The following HIGD1C variants were observed in gnomAD, a reference collection of about 807,000 sequenced individuals.
HIGD1C encodes HIG1 domain family member 1C.
A neutral mutation model predicts 13.1 loss-of-function variants in HIGD1C; 11 were observed. That is an observed-to-expected ratio of 0.84 (90% confidence interval 0.53 to 1.39). The LOEUF (loss-of-function observed/expected upper bound fraction) is 1.39, where lower values mean the gene tolerates loss of function less well. Among genes scored for constraint, HIGD1C ranks in the 40% most tolerant of loss-of-function variants. The pLI, the probability that HIGD1C is intolerant of heterozygous loss-of-function variation, is 0.00. For missense variants in HIGD1C, 110 were observed against 112.0 expected (o/e 0.98, Z 0.08); for synonymous variants, 36 against 37.7 (o/e 0.95, Z 0.17).
the HIGD1C span, among the ~76,000 whole-genome samples, chr12:50,938,272 G>C: frequency 6.6e-6 from 1 of 152,020 alleles, no homozygotes; most frequent in Non-Finnish European, 1.5e-5. Flanking sequence ...GCTGGCAGGA[G>C]GCTGGCGTGT....
chr12:50,970,066 C>G (rs1939706408), intron 2 of HIGD1C, among the ~76,000 whole-genome samples: 1 of 152,108 alleles, frequency 6.6e-6, no homozygotes. Context: ...GGAATTAGAT[C>G]CACTCACCAT....
chr12:50,971,529 C>T (rs2046498), downstream of HIGD1C, among the ~76,000 whole-genome samples: 15,038 of 152,132 alleles, frequency 0.099, 1,161 homozygotes, highest in African/African-American at 0.21. Flanking sequence ...TAATGTGGTA[C>T]GACACTGTAG....
At chr12:50,952,059 ATTTTT>A (rs141699945), upstream of HIGD1C, among the ~76,000 whole-genome samples, 19,701 of 136,694 alleles carry the variant, frequency 0.14, 1,612 homozygotes, top group East Asian at 0.43. Flanking sequence ...TAGACCAGAA[ATTTTT>A]TTTTTTTTTT....
chr12:50,965,037 G>A (rs1232958913), intron 2 of HIGD1C, among the ~76,000 whole-genome samples: 1 of 152,034 alleles, frequency 6.6e-6, no homozygotes, highest in East Asian at 1.9e-4. Context: ...TGGCATCTTT[G>A]AAGTCCTTGA....
downstream of HIGD1C, among the ~76,000 whole-genome samples, chr12:50,971,212 C>A (rs1158309263): frequency 6.6e-6 from 1 of 152,052 alleles, no homozygotes; most frequent in East Asian, 1.9e-4. Context: ...AAATGTGACA[C>A]CCTATCCATG....
the HIGD1C span, among the ~76,000 whole-genome samples, chr12:50,937,954 G>A: frequency 6.6e-6 from 1 of 152,086 alleles, no homozygotes; most frequent in Non-Finnish European, 1.5e-5. Context: ...TTATCTGATT[G>A]GCCAAACGGT....
the HIGD1C span, among the ~76,000 whole-genome samples, chr12:50,937,464 G>A: frequency 6.6e-6 from 1 of 152,150 alleles, no homozygotes; most frequent in Non-Finnish European, 1.5e-5. Context: ...CTGGCTTGGG[G>A]AGCCCTTAGA....
At chr12:50,949,654 C>T (rs1200951440), upstream of HIGD1C, among the ~76,000 whole-genome samples, 1 of 151,428 alleles carries the variant, frequency 6.6e-6, no homozygotes, top group Non-Finnish European at 1.5e-5. Context: ...CTGCCTCAGC[C>T]TCCTCAGTAG....
chr12:50,942,481 T>C, the HIGD1C span, among the ~76,000 whole-genome samples: 30 of 152,320 alleles, frequency 2.0e-4, no homozygotes, highest in African/African-American at 6.7e-4. Flanking sequence ...TTTATGCTGC[T>C]ACCAGAACCT....
chr12:50,969,900 C>G (rs11169643), intron 2 of HIGD1C, among the ~76,000 whole-genome samples: 1 of 151,886 alleles, frequency 6.6e-6, no homozygotes, highest in East Asian at 1.9e-4. Context: ...TTGCTGACAT[C>G]CTTGGAACTC....
At chr12:50,957,182 A>T (rs1040316015) in intron 1 of HIGD1C, among the ~76,000 whole-genome samples, 1 of 151,954 alleles carries the variant, frequency 6.6e-6, no homozygotes, top group African/African-American at 2.4e-5. Context: ...TATTCCAAAC[A>T]TGCTATCCAC....
At chr12:50,937,094 T>C in the HIGD1C span, among the ~76,000 whole-genome samples, 2 of 152,250 alleles carry the variant, frequency 1.3e-5, no homozygotes, top group Non-Finnish European at 2.9e-5. Context: ...AAGTATTTAC[T>C]GATTAAATCA....
the HIGD1C span, among the ~76,000 whole-genome samples, chr12:50,940,943 C>T: frequency 1.2e-4 from 19 of 152,034 alleles, 2 homozygotes; most frequent in South Asian, 3.9e-3. Flanking sequence ...CTCCCAGGCT[C>T]AAGTGATCCT....
chr12:50,971,100 G>C (rs771741009), downstream of HIGD1C, among the ~76,000 whole-genome samples: 1 of 152,054 alleles, frequency 6.6e-6, no homozygotes, highest in African/African-American at 2.4e-5. Context: ...GGCTGGTCTC[G>C]AACTCCTGAC....
chr12:50,944,100 C>T, the HIGD1C span, among the ~76,000 whole-genome samples: 1 of 152,094 alleles, frequency 6.6e-6, no homozygotes, highest in Non-Finnish European at 1.5e-5. Context: ...TCACTTCTCA[C>T]TTCATAGAAC....
At chr12:50,958,448 AT>A (rs1319448705) in intron 1 of HIGD1C, among the ~76,000 whole-genome samples, 27 of 150,742 alleles carry the variant, frequency 1.8e-4, no homozygotes, top group African/African-American at 6.3e-4. Context: ...CACCCGGCTA[AT>A]TTTTTGTATT....
chr12:50,969,594 G>A lies in HIGD1C; in HGVS notation c.230-848G>A, dbSNP rs183078032. Reference sequence around the variant, plus strand: ...GGTGCCTGTAATCCCAGCTACTTGGGAGGCTGAGGCAGGAGAATCGCTTGA... The same window carrying A: ...GGTGCCTGTAATCCCAGCTACTTGGAAGGCTGAGGCAGGAGAATCGCTTGA... On this transcript the variant is annotated intron_variant, in intron 2 of 2. Coordinates refer to ENST00000398455, the Ensembl canonical transcript of HIGD1C. Among the ~76,000 whole-genome samples, 184 of 152,050 alleles carry A rather than the reference G, an allele frequency of 1.2e-3. 6 individuals carry two copies. In the East Asian group the frequency reaches 0.033, roughly 27 times the overall value.
At chr12:50,946,962 G>A in the HIGD1C span, among the ~76,000 whole-genome samples, 1 of 152,118 alleles carries the variant, frequency 6.6e-6, no homozygotes, top group Non-Finnish European at 1.5e-5. Context: ...TGTCTGATCT[G>A]TGTAATATCT....
chr12:50,946,264 A>C, the HIGD1C span, among the ~76,000 whole-genome samples: 2 of 152,250 alleles, frequency 1.3e-5, no homozygotes, highest in Non-Finnish European at 2.9e-5. Flanking sequence ...TCTGCACAGC[A>C]AAAGAAACTA....
Sources: allele counts gnomAD v4.1 joint callset (sites outside exome capture counted in the v4.1 genomes callset), GRCh38; gene constraint gnomAD v4.1.1; transcripts MANE v1.5; gene names NCBI Gene and HGNC (gene_info 2026-07-23, HGNC 2026-07-21).